The following GLYATL3 variants were observed in gnomAD, a reference collection of about 807,000 sequenced individuals.
The protein encoded by GLYATL3 is glycine N-acyltransferase-like protein 3.
A neutral mutation model predicts 28.5 loss-of-function variants in GLYATL3; 31 were observed. That is an observed-to-expected ratio of 1.09 (90% CI 0.82 to 1.47). The LOEUF (loss-of-function observed/expected upper bound fraction) is 1.47, where lower values mean the gene tolerates loss of function less well. Among genes scored for constraint, GLYATL3 ranks in the 40% most tolerant of loss-of-function variants. GLYATL3 has a pLI of 0.00. For missense variants in GLYATL3, 369 were observed against 351.5 expected (o/e 1.05, Z -0.40); for synonymous variants, 141 against 140.2 (o/e 1.01, Z -0.04).
At chr6:49,505,920 T>C (rs769895329) in intron 1 of GLYATL3, among the ~76,000 whole-genome samples, 5 of 152,212 alleles carry the variant, frequency 3.3e-5, no homozygotes, top group Non-Finnish European at 5.9e-5. Flanking sequence ...TACGAGAGAC[T>C]TGTGCCTCTC....
intron 5 of GLYATL3, among the ~76,000 whole-genome samples, chr6:49,522,188 A>G (rs1316465108): frequency 1.3e-5 from 2 of 152,184 alleles, no homozygotes; most frequent in African/African-American, 2.4e-5. Flanking sequence ...TGTGTCAGGG[A>G]CTACATATCT....
At chr6:49,524,777 C>T (rs1298644581) in intron 5 of GLYATL3, among the ~76,000 whole-genome samples, 4 of 151,764 alleles carry the variant, frequency 2.6e-5, no homozygotes, top group East Asian at 3.9e-4. Context: ...GTCAGGAATT[C>T]GAGACCAGCC....
chr6:49,526,964 A>C lies in GLYATL3; in HGVS notation c.*50A>C, dbSNP rs983147386. On this transcript the variant is annotated 3_prime_UTR_variant, in exon 6 of 6. Transcript: ENST00000371197. Reference sequence around the variant, plus strand: ...TATTACTTTCCCTGAGCATACACACACTCTTGGCTGCCAACGAGGGGAGAG... The same window carrying C: ...TATTACTTTCCCTGAGCATACACACCCTCTTGGCTGCCAACGAGGGGAGAG... 7 of 1,326,080 alleles carry C rather than the reference A, an allele frequency of 5.3e-6. No individual in the cohort carries two copies. The highest frequency in any genetic ancestry group is 7.1e-6 in the Non-Finnish European group (7 of 992,860). The allele number at this position is 1,326,080 out of a possible 1,614,324, so 82.1% of individuals were successfully genotyped here.
In GLYATL3 at chr6:49,527,378, T is replaced by A. The variant is rs1161837213; in HGVS notation, c.*464T>A. 6.6e-6 allele frequency among the ~76,000 whole-genome samples: 1 copy of A among 152,190 alleles called. No individual in the cohort carries two copies. Among genetic ancestry groups the A allele is most frequent in the Non-Finnish European group, 1.5e-5 (1 of 68,032 alleles). ...CTCATCAACCTCTGTTCCTAACACC[T>A]CTGCCACCAAGTTCTCTGTAGAGTA... is the stretch of plus-strand genomic sequence containing the variant. On this transcript the variant is annotated 3_prime_UTR_variant, in exon 6 of 6. Coordinates refer to ENST00000371197, the MANE Select transcript of GLYATL3 (RefSeq NM_001010904.2).
chr6:49,514,490 T>C (rs1163152119), intron 2 of GLYATL3, among the ~76,000 whole-genome samples: 4 of 152,190 alleles, frequency 2.6e-5, no homozygotes, highest in Non-Finnish European at 5.9e-5. Flanking sequence ...CAAGCATACA[T>C]GTGACATATG....
intron 5 of GLYATL3, among the ~76,000 whole-genome samples, chr6:49,525,208 T>TTTGTTG (rs552362115): frequency 2.6e-5 from 4 of 151,092 alleles, no homozygotes; most frequent in African/African-American, 7.3e-5. Context: ...TCTGAGGGTT[T>TTTGTTG]TTGTTGTTGT....
At chr6:49,519,735 C>T (rs1226046658) in intron 4 of GLYATL3, among the ~76,000 whole-genome samples, 7 of 152,148 alleles carry the variant, frequency 4.6e-5, no homozygotes, top group Non-Finnish European at 8.8e-5. Flanking sequence ...CATAGGAATG[C>T]CTTTGTCATT....
At chr6:49,505,669 T>TA (rs1561975619) in intron 1 of GLYATL3, among the ~76,000 whole-genome samples, 1 of 152,236 alleles carries the variant, frequency 6.6e-6, no homozygotes, top group African/African-American at 2.4e-5. Context: ...AAAGGCATTT[T>TA]AAACTTCATT....
At chr6:49,512,692 A>G (rs1333583919) in intron 2 of GLYATL3, among the ~76,000 whole-genome samples, 1 of 152,228 alleles carries the variant, frequency 6.6e-6, no homozygotes, top group Non-Finnish European at 1.5e-5. Flanking sequence ...TTCTTGAGCA[A>G]GGAGACTGCC....
intron 3 of GLYATL3, 111 bp from the exon 4 acceptor site, chr6:49,517,319 C>A: frequency 2.4e-6 from 2 of 846,372 alleles, no homozygotes; most frequent in Non-Finnish European, 3.4e-6. Context: ...ATTTTGTTAG[C>A]CACCTATAAA....
chr6:49,521,154 T>A (rs2127238705), intron 4 of GLYATL3, among the ~76,000 whole-genome samples: 1 of 152,214 alleles, frequency 6.6e-6, no homozygotes, highest in East Asian at 1.9e-4. Flanking sequence ...CTGGGTGAGG[T>A]AAGTTCAGGG....
At position 49,500,019 on chromosome 6, in the gene GLYATL3, A is replaced by T. The variant is rs1243658677; in HGVS notation, c.-52A>T. 6.6e-6 allele frequency: 1 copy of T among 152,152 alleles called. No individual in the cohort carries two copies. The highest frequency in any genetic ancestry group is 1.5e-5 in the Non-Finnish European group (1 of 68,024). 9.4% of individuals were successfully genotyped at this position (152,152 alleles called of 1,614,324 possible). A position where few individuals can be genotyped will look rare whatever the true frequency, so the allele number is the denominator to read the frequency against. On this transcript the variant is annotated 5_prime_UTR_variant, in exon 1 of 6. Transcript: ENST00000371197. ...GACTGATACACAGCTGAAAACCCTC[A>T]GTTCTGGACTGAACTCCCAGCAGGT...
In GLYATL3 at chr6:49,515,653, G is replaced by C; in HGVS notation, c.79G>C (p.Val27Leu). The change falls in exon 3 of 6, where the codon GTT (valine) becomes CTT (leucine). Residue 27 changes from valine (V) to leucine (L), a missense_variant and splice_region_variant. Physicochemically the swap from Val to Leu is conservative, Grantham distance 32. Transcript: ENST00000371197. ...LKSCFPESLK[V>L]YGAVMNINRG... ...CTTGTCTCTGGGTTATCTGACTCAG[G>C]TTTACGGAGCGGTGATGAACATAAA... 1 of 1,537,950 alleles carries C rather than the reference G, an allele frequency of 6.5e-7. No homozygotes were observed.
intron 2 of GLYATL3, 105 bp downstream of exon 2, chr6:49,512,173 T>C (rs756675540): frequency 1.9e-4 from 101 of 536,052 alleles, no homozygotes; most frequent in Non-Finnish European, 3.0e-4. Flanking sequence ...TAAGACTCTC[T>C]AGGAGCACTT....
chr6:49,524,675 C>G (rs761907043), intron 5 of GLYATL3, among the ~76,000 whole-genome samples: 1 of 151,888 alleles, frequency 6.6e-6, no homozygotes, highest in African/African-American at 2.4e-5. Flanking sequence ...AACAGCAGGC[C>G]GAGGAGACAG....
chr6:49,509,411 G>A (rs1235410556), intron 1 of GLYATL3, among the ~76,000 whole-genome samples: 1 of 152,112 alleles, frequency 6.6e-6, no homozygotes, highest in South Asian at 2.1e-4. Flanking sequence ...ATGTCCAAAC[G>A]AAACTTACCT....
At chr6:49,515,862 A>C (rs1238756996) in intron 3 of GLYATL3, 102 bp downstream of exon 3, 1 of 595,062 alleles carries the variant, frequency 1.7e-6, no homozygotes, top group Admixed American at 3.2e-5. Flanking sequence ...ATTAGCTTAC[A>C]ACACTGTTTC....
At chr6:49,500,985 C>T (rs987901311) in intron 1 of GLYATL3, among the ~76,000 whole-genome samples, 3 of 152,242 alleles carry the variant, frequency 2.0e-5, no homozygotes, top group African/African-American at 7.2e-5. Context: ...GTAGTGTCCT[C>T]TCTGCATGAA....
intron 5 of GLYATL3, among the ~76,000 whole-genome samples, chr6:49,523,180 G>C (rs1420744130): frequency 6.6e-6 from 1 of 152,162 alleles, no homozygotes; most frequent in African/African-American, 2.4e-5. Context: ...TCCAGAGGAA[G>C]CCAGGCACAA....
Sources: allele counts gnomAD v4.1 joint callset (sites outside exome capture counted in the v4.1 genomes callset), GRCh38; gene constraint gnomAD v4.1.1; transcripts MANE v1.5; gene names NCBI Gene and HGNC (gene_info 2026-07-23, HGNC 2026-07-21).